LINGO2: variants seen among roughly 807,000 people sequenced by gnomAD.
LINGO2 encodes the protein leucine-rich repeat and immunoglobulin-like domain-containing nogo receptor-interacting protein 2.
A neutral mutation model predicts 30.6 loss-of-function variants in LINGO2; 14 were observed. The observed-to-expected ratio is 0.46, with a 90% CI of 0.30 to 0.72. LINGO2 has a LOEUF of 0.72. LINGO2 is among the 30% of genes least tolerant of loss of function. LINGO2 has a pLI of 0.07. For missense variants in LINGO2, 729 were observed against 751.7 expected, an observed-to-expected ratio of 0.97 and a Z score of 0.35; for synonymous variants, 317 against 288.5, an observed-to-expected ratio of 1.10 and a Z score of -1.00.
chr9:29,070,381 A>T, the LINGO2 span, among the ~76,000 whole-genome samples: 1 of 152,118 alleles, frequency 6.6e-6, no homozygotes, highest in Non-Finnish European at 1.5e-5. Flanking sequence ...GTGCTGCAAC[A>T]ACTCAAATTT....
the LINGO2 span, among the ~76,000 whole-genome samples, chr9:28,675,911 A>ATATATAT: frequency 1.5e-5 from 2 of 133,566 alleles, no homozygotes; most frequent in Non-Finnish European, 3.1e-5. Context: ...GTATGTATAT[A>ATATATAT]TATATATATA....
intron 1 of LINGO2, among the ~76,000 whole-genome samples, chr9:28,661,950 C>T (rs1171316225): frequency 6.6e-6 from 1 of 152,084 alleles, no homozygotes; most frequent in Non-Finnish European, 1.5e-5. Flanking sequence ...GGCATATTTT[C>T]CATGAACAAG....
chr9:28,396,995 C>T (rs1452069958), intron 2 of LINGO2, among the ~76,000 whole-genome samples: 1 of 152,122 alleles, frequency 6.6e-6, no homozygotes, highest in East Asian at 1.9e-4. Flanking sequence ...ATCTAGCCTA[C>T]ACTCCTTTAC....
At chr9:28,014,301 T>A (rs1480361618) in intron 4 of LINGO2, among the ~76,000 whole-genome samples, 1 of 152,190 alleles carries the variant, frequency 6.6e-6, no homozygotes, top group Non-Finnish European at 1.5e-5. Flanking sequence ...TGGTTTTTCA[T>A]TATAATTGCA....
intron 1 of LINGO2, among the ~76,000 whole-genome samples, chr9:28,479,381 T>G (rs2135209321): frequency 6.6e-6 from 1 of 152,096 alleles, no homozygotes; most frequent in African/African-American, 2.4e-5. Flanking sequence ...AGCTTTGTAT[T>G]ATATACTTTA....
chr9:28,987,281 A>G, the LINGO2 span, among the ~76,000 whole-genome samples: 6 of 151,920 alleles, frequency 3.9e-5, no homozygotes, highest in Admixed American at 2.0e-4. Context: ...GGTAGGTTGT[A>G]TGTGTCTAAG....
chr9:28,454,783 T>C (rs756549604), intron 2 of LINGO2, among the ~76,000 whole-genome samples: 2 of 151,988 alleles, frequency 1.3e-5, no homozygotes, highest in South Asian at 4.1e-4. Flanking sequence ...TCATAGAAAA[T>C]GGATTTTTCC....
chr9:29,207,294 A>G, the LINGO2 span, among the ~76,000 whole-genome samples: 1 of 152,074 alleles, frequency 6.6e-6, no homozygotes, highest in Admixed American at 6.5e-5. Flanking sequence ...ATTTATCACA[A>G]GGCACTGTTG....
At chr9:28,432,478 A>G (rs1450184413) in intron 2 of LINGO2, among the ~76,000 whole-genome samples, 1 of 151,986 alleles carries the variant, frequency 6.6e-6, no homozygotes, top group East Asian at 1.9e-4. Flanking sequence ...TGATGGAAAA[A>G]ATCAAAAGGC....
At chr9:29,001,624 T>C in the LINGO2 span, among the ~76,000 whole-genome samples, 1 of 152,108 alleles carries the variant, frequency 6.6e-6, no homozygotes, top group East Asian at 1.9e-4. Context: ...TTTAATAATA[T>C]ATTAGTTTGG....
At chr9:28,714,210 T>C in the LINGO2 span, among the ~76,000 whole-genome samples, 11 of 123,728 alleles carry the variant, frequency 8.9e-5, no homozygotes, top group Admixed American at 9.1e-4. Flanking sequence ...CACACACACA[T>C]ACGCACATAT....
intron 1 of LINGO2, among the ~76,000 whole-genome samples, chr9:28,564,591 C>T (rs546871227): frequency 2.6e-5 from 4 of 152,148 alleles, no homozygotes; most frequent in Non-Finnish European, 5.9e-5. Context: ...ATTTATGCTC[C>T]TCCTCCTTTC....
intron 3 of LINGO2, among the ~76,000 whole-genome samples, chr9:28,336,733 G>A (rs995852620): frequency 6.6e-6 from 1 of 151,976 alleles, no homozygotes; most frequent in Admixed American, 6.6e-5. Flanking sequence ...GTGCATCTGG[G>A]TTTAGAAGCA....
chr9:29,144,393 A>G, the LINGO2 span, among the ~76,000 whole-genome samples: 1 of 152,102 alleles, frequency 6.6e-6, no homozygotes, highest in Non-Finnish European at 1.5e-5. Context: ...CTGTCTACGA[A>G]TTTAAAATTT....
chr9:27,963,243 A>AT (rs531994177), intron 5 of LINGO2, among the ~76,000 whole-genome samples: 94 of 152,256 alleles, frequency 6.2e-4, no homozygotes, highest in African/African-American at 2.2e-3. Flanking sequence ...CATTGTGATT[A>AT]TTTTTTATAG....
At chr9:28,193,983 T>C (rs1325560346) in intron 4 of LINGO2, among the ~76,000 whole-genome samples, 1 of 152,188 alleles carries the variant, frequency 6.6e-6, no homozygotes, top group Admixed American at 6.5e-5. Context: ...AAAAGTGGAA[T>C]TGTATGGCAT....
At chr9:28,298,843 A>C (rs751003358) in intron 3 of LINGO2, among the ~76,000 whole-genome samples, 1 of 152,232 alleles carries the variant, frequency 6.6e-6, no homozygotes, top group Non-Finnish European at 1.5e-5. Context: ...ACTGTTGTAC[A>C]TTAATTTAAA....
chr9:28,995,735 C>A, the LINGO2 span, among the ~76,000 whole-genome samples: 1 of 152,012 alleles, frequency 6.6e-6, no homozygotes, highest in Admixed American at 6.6e-5. Flanking sequence ...ATGGATGAAA[C>A]TGGAAATCAT....
chr9:29,104,697 T>C, the LINGO2 span, among the ~76,000 whole-genome samples: 2 of 152,186 alleles, frequency 1.3e-5, no homozygotes, highest in African/African-American at 4.8e-5. Context: ...CGTTCTTTAT[T>C]TGGAAACTTA....
Sources: allele counts gnomAD v4.1 joint callset (sites outside exome capture counted in the v4.1 genomes callset), GRCh38; gene constraint gnomAD v4.1.1; transcripts MANE v1.5; gene names NCBI Gene and HGNC (gene_info 2026-07-23, HGNC 2026-07-21).